The following RPS29 variants were observed in gnomAD, a reference collection of about 807,000 sequenced individuals.
The protein encoded by RPS29 is ribosomal protein S29, also known as small ribosomal subunit protein uS14.
For synonymous variants in RPS29, 37 were observed against 26.9 expected (o/e 1.37, Z -1.16); for missense variants, 60 against 75.7 (o/e 0.79, Z 0.77).
At chr14:49,583,814 T>C (rs1437070389) in intron 2 of RPS29, 139 bp from the exon 3 acceptor site, 1 of 563,500 alleles carries the variant, frequency 1.8e-6, no homozygotes, top group Non-Finnish European at 3.2e-6. Context: ...CCAGATTCTA[T>C]GTAGTTTAAA....
chr14:49,593,274 T>C (rs1280547323), intron 1 of RPS29, among the ~76,000 whole-genome samples: 1 of 152,218 alleles, frequency 6.6e-6, no homozygotes, highest in Non-Finnish European at 1.5e-5. Context: ...AGGCTTTGCA[T>C]ATAACAGTAA....
exon 3 of RPS29, chr14:49,576,776 C>T (rs888464799): frequency 1.1e-4 from 17 of 152,268 alleles, no homozygotes; most frequent in Admixed American, 1.0e-3. Flanking sequence ...GTAAGTATCA[C>T]GAGAACTGAT....
exon 3 of RPS29, chr14:49,571,401 C>G (rs1335160505): frequency 6.6e-6 from 1 of 152,098 alleles, no homozygotes; most frequent in East Asian, 1.9e-4. Flanking sequence ...GTCTCTGGTT[C>G]CTAGGAGGCA....
chr14:49,593,522 G>A (rs1200073012), intron 1 of RPS29, among the ~76,000 whole-genome samples: 1 of 151,780 alleles, frequency 6.6e-6, no homozygotes, highest in African/African-American at 2.4e-5. Flanking sequence ...TGACTAACAT[G>A]GTGAAACTCC....
downstream of RPS29, among the ~76,000 whole-genome samples, chr14:49,581,331 C>T (rs1326262117): frequency 6.6e-6 from 1 of 152,206 alleles, no homozygotes; most frequent in Non-Finnish European, 1.5e-5. Flanking sequence ...TAATCAAAGG[C>T]ACACAATACA....
At chr14:49,583,330 CACG>C (rs927629210), downstream of RPS29, among the ~76,000 whole-genome samples, 2 of 152,088 alleles carry the variant, frequency 1.3e-5, no homozygotes, top group African/African-American at 4.8e-5. Flanking sequence ...GCGAGCAGAT[CACG>C]AAGTCAAGAG....
chr14:49,583,524 T>C (rs1236670563), downstream of RPS29: 17 of 867,274 alleles, frequency 2.0e-5, no homozygotes, highest in Non-Finnish European at 2.9e-5. Flanking sequence ...AAGAAAAAGA[T>C]TTCTATAAAC....
chr14:49,571,594 G>C (rs142413993), exon 3 of RPS29: 3 of 152,132 alleles, frequency 2.0e-5, no homozygotes, highest in African/African-American at 7.2e-5. Context: ...CAGAGTAAGG[G>C]GTAGGGTGGA....
rs184815081 is a variant in RPS29 at position 49,593,658 on chromosome 14, A to G, written c.-133+4742T>C. ...CAATGAGCCGAGATCACGGCATCGC[A>G]CTCCAGCCTGGGCGACAGAGCAAGA... On this transcript the variant is annotated intron_variant, in intron 1 of 3. Coordinates refer to the RPS29 transcript ENST00000556230. 1.1e-3 allele frequency among the ~76,000 whole-genome samples: 147 copies of G among 130,184 alleles called. 3 individuals carry two copies. The East Asian group carries it at 0.021, about 19-fold the overall frequency. The allele number at this position is 130,184 out of a possible 152,430, so 85.4% of individuals were successfully genotyped here. A position where few individuals can be genotyped will look rare whatever the true frequency, so the allele number is the denominator to read the frequency against.
chr14:49,577,696 G>C, exon 3 of RPS29: 1 of 848,664 alleles, frequency 1.2e-6, no homozygotes, highest in Non-Finnish European at 2.0e-6. Context: ...GTTTCCACCA[G>C]TTACCCTTAA....
upstream of RPS29, among the ~76,000 whole-genome samples, chr14:49,589,878 A>G (rs372991551): frequency 2.0e-5 from 3 of 152,358 alleles, no homozygotes; most frequent in East Asian, 1.9e-4. Flanking sequence ...GAACAAGATC[A>G]TGTCCTGTGC....
chr14:49,572,052 G>A (rs1175033517), exon 3 of RPS29: 3 of 152,396 alleles, frequency 2.0e-5, no homozygotes, highest in Admixed American at 2.0e-4. Flanking sequence ...CCAGGTTCAA[G>A]CGATTCTCGT....
At chr14:49,589,288 A>G (rs1008381992), upstream of RPS29, among the ~76,000 whole-genome samples, 1 of 152,122 alleles carries the variant, frequency 6.6e-6, no homozygotes, top group African/African-American at 2.4e-5. Context: ...TAAAAAATGT[A>G]CAATGAAGTG....
exon 3 of RPS29, chr14:49,571,425 T>C (rs564462064): frequency 1.5e-4 from 23 of 152,306 alleles, no homozygotes; most frequent in African/African-American, 4.8e-4. Context: ...TCAAAATAAT[T>C]AGAATTCCCT....
intron 1 of RPS29, among the ~76,000 whole-genome samples, chr14:49,596,607 C>G (rs968158375): frequency 2.0e-5 from 3 of 151,956 alleles, no homozygotes; most frequent in African/African-American, 7.3e-5. Flanking sequence ...TGGAAACTAC[C>G]TTTTTTAAGA....
downstream of RPS29, among the ~76,000 whole-genome samples, chr14:49,580,555 G>GA (rs1881304981): frequency 6.6e-6 from 1 of 152,168 alleles, no homozygotes; most frequent in Admixed American, 6.5e-5. Context: ...AGTATACTAG[G>GA]AATGTGTTCA....
chr14:49,590,278 C>T (rs1048564024), upstream of RPS29, among the ~76,000 whole-genome samples: 3 of 151,718 alleles, frequency 2.0e-5, no homozygotes, highest in African/African-American at 2.4e-5. Context: ...GAGTTCTAGA[C>T]CAACCTGGCC....
At chr14:49,574,519 T>C (rs1388001804) in exon 3 of RPS29, 1 of 152,108 alleles carries the variant, frequency 6.6e-6, no homozygotes, top group East Asian at 1.9e-4. Flanking sequence ...CACTGTAAGA[T>C]ACAAGCAGGA....
chr14:49,573,355 C>T (rs1210726702), exon 3 of RPS29: 1 of 151,176 alleles, frequency 6.6e-6, no homozygotes, highest in Admixed American at 6.6e-5. Flanking sequence ...GTAATCCCAG[C>T]TACTCCAGAG....
Sources: gnomAD v4.1 joint callset for allele counts (sites outside exome capture counted in the v4.1 genomes callset) on GRCh38, gnomAD v4.1.1 for gene constraint, MANE v1.5 for transcripts, NCBI Gene and HGNC (gene_info 2026-07-23, HGNC 2026-07-21) for gene names.